TUSC3: variants seen among roughly 807,000 people sequenced by gnomAD.
TUSC3 encodes the protein dolichyl-diphosphooligosaccharide--protein glycosyltransferase subunit TUSC3.
Under a neutral mutation model 44.8 loss-of-function variants are expected in TUSC3, and 45 were observed. The observed-to-expected ratio is 1.00, with a 90% CI of 0.79 to 1.29. The LOEUF is 1.29. Ranked by LOEUF, TUSC3 falls within the 50% of genes most tolerant of loss-of-function variation. The pLI, the probability that TUSC3 is intolerant of heterozygous loss-of-function variation, is 0.00. For missense variants in TUSC3, 519 were observed against 437.9 expected, an observed-to-expected ratio of 1.19 and a Z score of -1.65; for synonymous variants, 212 against 152.9, an observed-to-expected ratio of 1.39 and a Z score of -2.85.
chr8:15,823,008 C>T, the TUSC3 span, among the ~76,000 whole-genome samples: 1 of 152,062 alleles, frequency 6.6e-6, no homozygotes, highest in Admixed American at 6.5e-5. Flanking sequence ...ACAATACTGT[C>T]CCCATCAAAG....
At chr8:15,555,884 T>A (rs925141863) in intron 1 of TUSC3, among the ~76,000 whole-genome samples, 1 of 151,658 alleles carries the variant, frequency 6.6e-6, no homozygotes, top group African/African-American at 2.4e-5. Flanking sequence ...CAATGTTGAT[T>A]TATAATAATT....
intron 1 of TUSC3, among the ~76,000 whole-genome samples, chr8:15,433,008 G>A (rs1274670003): frequency 6.6e-6 from 1 of 152,030 alleles, no homozygotes; most frequent in African/African-American, 2.4e-5. Context: ...GAGTACAAGG[G>A]GATTCTTCTG....
chr8:15,813,568 C>A, the TUSC3 span, among the ~76,000 whole-genome samples: 1 of 152,174 alleles, frequency 6.6e-6, no homozygotes, highest in South Asian at 2.1e-4. Flanking sequence ...TTTTAAGGCA[C>A]ATTTTATTCT....
chr8:15,732,854 A>G (rs1563195590), intron 7 of TUSC3, among the ~76,000 whole-genome samples: 1 of 152,130 alleles, frequency 6.6e-6, no homozygotes, highest in Non-Finnish European at 1.5e-5. Flanking sequence ...TCCATTCTCA[A>G]CATTTTTATT....
intron 1 of TUSC3, among the ~76,000 whole-genome samples, chr8:15,611,503 A>G (rs1804760665): frequency 6.6e-6 from 1 of 152,132 alleles, no homozygotes; most frequent in African/African-American, 2.4e-5. Context: ...TTGCTTTTGA[A>G]TGTAATGATA....
chr8:15,697,147 G>A (rs1464772352), intron 6 of TUSC3, among the ~76,000 whole-genome samples: 1 of 151,972 alleles, frequency 6.6e-6, no homozygotes, highest in Non-Finnish European at 1.5e-5. Flanking sequence ...ATTTCTTATT[G>A]AGCTTGTTTG....
intron 2 of TUSC3, among the ~76,000 whole-genome samples, chr8:15,639,213 T>C (rs1348344741): frequency 2.6e-5 from 4 of 151,350 alleles, no homozygotes; most frequent in East Asian, 2.0e-4. Context: ...GATCATGTGT[T>C]GATGCTAGAT....
intron 2 of TUSC3, among the ~76,000 whole-genome samples, chr8:15,506,838 TG>T (rs1422958076): frequency 1.3e-5 from 2 of 152,092 alleles, no homozygotes; most frequent in East Asian, 3.9e-4. Context: ...GAAAGGGCCC[TG>T]CCCCTTACCC....
chr8:15,742,306 T>A (rs1811231285), intron 7 of TUSC3, among the ~76,000 whole-genome samples: 1 of 152,070 alleles, frequency 6.6e-6, no homozygotes, highest in Non-Finnish European at 1.5e-5. Flanking sequence ...CTAGAAAGGG[T>A]TCCAAAGCTA....
intron 1 of TUSC3, among the ~76,000 whole-genome samples, chr8:15,470,975 G>A (rs181410484): frequency 6.0e-4 from 91 of 152,082 alleles, no homozygotes; most frequent in Middle Eastern, 3.4e-3. Flanking sequence ...ATGAATGAAT[G>A]AATGAATAAA....
chr8:15,545,827 T>G (rs990989438), intron 1 of TUSC3, among the ~76,000 whole-genome samples: 2 of 151,764 alleles, frequency 1.3e-5, no homozygotes. Context: ...ATTTTAGATG[T>G]GAGTGTGGTC....
At chr8:15,522,780 G>A (rs1182292411) in intron 2 of TUSC3, among the ~76,000 whole-genome samples, 6 of 152,112 alleles carry the variant, frequency 3.9e-5, no homozygotes, top group Non-Finnish European at 4.4e-5. Context: ...CAGGCAAAAG[G>A]AAGCTCCTTT....
intron 2 of TUSC3, among the ~76,000 whole-genome samples, chr8:15,519,269 C>G (rs1328431946): frequency 6.6e-6 from 1 of 152,132 alleles, no homozygotes; most frequent in Admixed American, 6.5e-5. Context: ...TTGAAACTTA[C>G]TAAAGTTGTA....
chr8:15,793,914 G>C, the TUSC3 span, among the ~76,000 whole-genome samples: 1 of 152,186 alleles, frequency 6.6e-6, no homozygotes, highest in Non-Finnish European at 1.5e-5. Flanking sequence ...GAAAGGCTTA[G>C]TGTGTTTGAG....
chr8:15,537,984 G>T (rs1338735809), upstream of TUSC3, among the ~76,000 whole-genome samples: 7 of 152,184 alleles, frequency 4.6e-5, no homozygotes, highest in East Asian at 1.3e-3. Flanking sequence ...GAGGCAATTA[G>T]CCTGGGGTGG....
At chr8:15,833,227 G>T in the TUSC3 span, among the ~76,000 whole-genome samples, 1 of 152,144 alleles carries the variant, frequency 6.6e-6, no homozygotes, top group Non-Finnish European at 1.5e-5. Flanking sequence ...TGGCAAGGTT[G>T]CGGAGAAAAA....
intron 1 of TUSC3, among the ~76,000 whole-genome samples, chr8:15,439,548 C>A (rs1424695483): frequency 1.3e-5 from 2 of 152,250 alleles, no homozygotes; most frequent in South Asian, 2.1e-4. Context: ...CAGAGCAAGA[C>A]CCTGTCTCAA....
intron 1 of TUSC3, among the ~76,000 whole-genome samples, chr8:15,592,863 A>T (rs1033202448): frequency 6.6e-6 from 1 of 152,128 alleles, no homozygotes; most frequent in East Asian, 1.9e-4. Context: ...ACGAGGCAGG[A>T]TGAATTATTT....
intron 1 of TUSC3, among the ~76,000 whole-genome samples, chr8:15,459,349 G>T (rs887251813): frequency 2.0e-5 from 3 of 151,890 alleles, no homozygotes; most frequent in South Asian, 4.2e-4. Context: ...CAGTATTCTT[G>T]CTTAACTGTG....
Sources: gnomAD v4.1 joint callset for allele counts (sites outside exome capture counted in the v4.1 genomes callset) on GRCh38, gnomAD v4.1.1 for gene constraint, MANE v1.5 for transcripts, NCBI Gene and HGNC (gene_info 2026-07-23, HGNC 2026-07-21) for gene names.